The following JAKMIP3 variants were observed in gnomAD, a reference collection of about 807,000 sequenced individuals.
JAKMIP3 encodes Janus kinase and microtubule interacting protein 3, also known as janus kinase and microtubule-interacting protein 3.
Under a neutral mutation model 118.5 loss-of-function variants are expected in JAKMIP3, and 58 were observed. The observed-to-expected ratio is 0.49, with a 90% CI of 0.40 to 0.61. The LOEUF (loss-of-function observed/expected upper bound fraction) is 0.61. Among genes scored for constraint, JAKMIP3 ranks in the 20% least tolerant of loss-of-function variants. The probability of loss-of-function intolerance (pLI) is 0.00; values close to 1 mark genes in which losing one functional copy is unlikely to be tolerated. For synonymous variants in JAKMIP3, 486 were observed against 451.2 expected (o/e 1.08, Z -0.98); for missense variants, 950 against 1,109.0 (o/e 0.86, Z 2.04).
chr10:132,168,483 G>T lies in JAKMIP3; in HGVS notation c.*553G>T, dbSNP rs2059166710. ...CTGGGAGGGCTCCCCGACGCCTCAG[G>T]GGCCCCTCCGATGCTGCAATATGTT... On this transcript the variant is annotated 3_prime_UTR_variant, in exon 23 of 24. Transcript: ENST00000684848. 2 of 1,005,816 alleles carry T rather than the reference G, an allele frequency of 2.0e-6. No homozygotes were observed. The highest frequency in any genetic ancestry group is 1.7e-5 in the African/African-American group (1 of 58,928). The allele number at this position is 1,005,816 out of a possible 1,614,324, so 62.3% of individuals were successfully genotyped here.
intron 10 of JAKMIP3, among the ~76,000 whole-genome samples, chr10:132,141,579 G>A (rs1420238368): frequency 6.6e-6 from 1 of 152,112 alleles, no homozygotes; most frequent in Non-Finnish European, 1.5e-5. Context: ...GCTGGGTCAG[G>A]GCAGCCTGGC....
At chr10:132,069,050 G>A (rs1475696775) in intron 1 of JAKMIP3, among the ~76,000 whole-genome samples, 1 of 152,128 alleles carries the variant, frequency 6.6e-6, no homozygotes, top group Non-Finnish European at 1.5e-5. Context: ...GCCTTTAGCT[G>A]GACTGGTCCA....
At chr10:132,147,547 C>A (rs960970274) in intron 13 of JAKMIP3, among the ~76,000 whole-genome samples, 14 of 152,242 alleles carry the variant, frequency 9.2e-5, no homozygotes, top group Non-Finnish European at 1.8e-4. Flanking sequence ...GGACATTTAC[C>A]CTCCACGGCC....
intron 1 of JAKMIP3, among the ~76,000 whole-genome samples, chr10:132,073,326 C>T (rs1171804709): frequency 6.6e-6 from 1 of 152,050 alleles, no homozygotes; most frequent in Non-Finnish European, 1.5e-5. Flanking sequence ...GCTGGGACTA[C>T]AGGCGCCTGC....
At chr10:132,073,493 CT>C (rs59985814) in intron 1 of JAKMIP3, among the ~76,000 whole-genome samples, 52,563 of 134,742 alleles carry the variant, frequency 0.39, 10,474 homozygotes, top group African/African-American at 0.5. Flanking sequence ...CCTATCTTTA[CT>C]TTTTTTTTTT....
At chr10:132,038,751 C>A (rs1275492254) in intron 1 of JAKMIP3, among the ~76,000 whole-genome samples, 1 of 150,534 alleles carries the variant, frequency 6.6e-6, no homozygotes, top group Non-Finnish European at 1.5e-5. Context: ...TGAGATCGCG[C>A]CACTGCACTC....
chr10:132,099,716 A>G (rs1002173701), intron 1 of JAKMIP3, among the ~76,000 whole-genome samples: 6 of 152,216 alleles, frequency 3.9e-5, no homozygotes, highest in Non-Finnish European at 8.8e-5. Context: ...GATTGTGTCA[A>G]TGAATCAACT....
chr10:132,124,112 G>C (rs1404466004), intron 3 of JAKMIP3, among the ~76,000 whole-genome samples: 1 of 152,228 alleles, frequency 6.6e-6, no homozygotes, highest in Non-Finnish European at 1.5e-5. Context: ...CTCAAATCCG[G>C]AAGAAATGTG....
At chr10:132,041,013 CT>C (rs1248922264) in intron 1 of JAKMIP3, among the ~76,000 whole-genome samples, 1 of 152,162 alleles carries the variant, frequency 6.6e-6, no homozygotes, top group African/African-American at 2.4e-5. Flanking sequence ...GCAGAAGCAC[CT>C]GTGTCTCGCG....
At chr10:132,065,607 C>T (rs1312707028), upstream of JAKMIP3, among the ~76,000 whole-genome samples, 2 of 152,148 alleles carry the variant, frequency 1.3e-5, no homozygotes, top group African/African-American at 2.4e-5. The surrounding 1 kb of genome is among the most constrained non-coding windows in gnomAD (Gnocchi z 5.6). Context: ...GTGAGACTGC[C>T]GCCGGGCCAA....
intron 1 of JAKMIP3, among the ~76,000 whole-genome samples, chr10:132,102,022 C>T (rs934922338): frequency 2.0e-5 from 3 of 151,882 alleles, no homozygotes; most frequent in Admixed American, 6.5e-5. Context: ...CACTAAAAGT[C>T]GCTCAAGTGT....
At chr10:132,178,866 C>G (rs752606851) in intron 23 of JAKMIP3, among the ~76,000 whole-genome samples, 1 of 152,232 alleles carries the variant, frequency 6.6e-6, no homozygotes, top group Non-Finnish European at 1.5e-5. Flanking sequence ...CACACACAGA[C>G]GGCAGGGGCC....
intron 19 of JAKMIP3, among the ~76,000 whole-genome samples, chr10:132,160,995 T>TGGGGGGGCCTCTCCCTGTGTGATGCTGG (rs1564985123): frequency 3.9e-4 from 1 of 2,546 alleles, no homozygotes; most frequent in African/African-American, 1.3e-3. Context: ...TGTGTGATGC[T>TGGGGGGGCCTCTCCCTGTGTGATGCTGG]GGGGGGGGCC....
upstream of JAKMIP3, among the ~76,000 whole-genome samples, chr10:132,061,269 G>A (rs568440419): frequency 2.7e-4 from 37 of 136,424 alleles, no homozygotes; most frequent in East Asian, 3.5e-3. Context: ...CCGTGATGGC[G>A]CGCACACACA....
chr10:132,153,779 G>C lies in JAKMIP3; in HGVS notation c.2094G>C (p.Glu698Asp), dbSNP rs1334969492. The C allele has an allele frequency of 6.2e-7, 1 of 1,613,108 alleles. No individual in the cohort carries two copies. Among genetic ancestry groups the C allele is most frequent in the East Asian group, 2.2e-5 (1 of 44,876 alleles). The change falls in exon 18 of 24, where the codon GAG becomes GAC. Residue 698 changes from glutamate (E) to aspartate (D), a missense_variant. Glu to Asp is a conservative substitution (Grantham distance 45, BLOSUM62 2). Transcript: ENST00000684848. ...TCCAGTGGCTCCAGCAGATTGAGGA[G>C]ACAGAGGCGGCGCTGCAGCGGAAGA... ...LAEKWLQQIE[E>D]TEAALQRKMV...
rs529702900 is a variant in JAKMIP3, at chr10:132,140,368, G to A, written c.1345-83G>A. 2.8e-4 allele frequency: 439 copies of A among 1,566,130 alleles called. 4 individuals carry two copies. In the East Asian group the frequency reaches 6.2e-3, roughly 22 times the overall value. On this transcript the variant is annotated intron_variant, in intron 9 of 23. Transcript: ENST00000684848. Reference sequence around the variant, plus strand: ...GCAGGGTGGGGCTGCGGCCCCCACCGTTGGGCAGCGGGAGGAGGCGGCGGG... The same window carrying A: ...GCAGGGTGGGGCTGCGGCCCCCACCATTGGGCAGCGGGAGGAGGCGGCGGG...
intron 23 of JAKMIP3, among the ~76,000 whole-genome samples, chr10:132,173,496 G>A (rs1462489097): frequency 3.3e-5 from 5 of 151,900 alleles, no homozygotes; most frequent in Admixed American, 6.6e-5. Context: ...CCAGCCTCAC[G>A]GTGTCCACAC....
intron 23 of JAKMIP3, among the ~76,000 whole-genome samples, chr10:132,177,724 AGTGT>A (rs767600223): frequency 1.2e-4 from 15 of 127,710 alleles, no homozygotes; most frequent in Non-Finnish European, 1.9e-4. Flanking sequence ...TGCCCTGGGT[AGTGT>A]GTGTGTGTGC....
At position 132,117,636 on chromosome 10, in the gene JAKMIP3, CA is replaced by C. The variant is rs1423356758; in HGVS notation, c.633+63del. ...GCAGGGGCGGGCGTGGGCGAGGGTG[CA>C]GGGGCGGGCGTGGGCGAGGGTGCAG... On this transcript the variant is annotated intron_variant, in intron 3 of 23. Coordinates refer to ENST00000684848, the MANE Select transcript of JAKMIP3 (RefSeq NM_001323087.2). The surrounding 1 kb of genome is among the most constrained non-coding windows in gnomAD (Gnocchi z 8.6). 8.9e-6 allele frequency: 11 copies of C among 1,237,356 alleles called. No individual in the cohort carries two copies. In the African/African-American group the frequency reaches 1.1e-4, roughly 12 times the overall value. The allele number at this position is 1,237,356 out of a possible 1,614,324, so 76.6% of individuals were successfully genotyped here. A position where few individuals can be genotyped will look rare whatever the true frequency, so the allele number is the denominator to read the frequency against.
Sources: gnomAD v4.1 joint callset for allele counts (sites outside exome capture counted in the v4.1 genomes callset) on GRCh38, gnomAD v4.1.1 for gene constraint, Gnocchi (gnomAD v3.1) non-coding constraint, MANE v1.5 for transcripts, NCBI Gene and HGNC (gene_info 2026-07-23, HGNC 2026-07-21) for gene names.